The following LIMCH1 variants were observed in gnomAD, a reference collection of about 807,000 sequenced individuals.
LIMCH1 encodes the protein LIM and calponin homology domains-containing protein 1.
Under a neutral mutation model 176.5 loss-of-function variants are expected in LIMCH1, and 113 were observed. The observed-to-expected ratio is 0.64, with a 90% CI of 0.55 to 0.75. The LOEUF (loss-of-function observed/expected upper bound fraction) is 0.75, where lower values mean the gene tolerates loss of function less well. Ranked by LOEUF, LIMCH1 falls within the 30% of genes least tolerant of loss-of-function variation. LIMCH1 has a pLI of 0.00. For synonymous variants in LIMCH1, 619 were observed against 645.9 expected (o/e 0.96, Z 0.63); for missense variants, 1,674 against 1,814.9 (o/e 0.92, Z 1.41).
chr4:41,447,657 C>T (rs1021628993), intron 1 of LIMCH1, among the ~76,000 whole-genome samples: 2 of 152,164 alleles, frequency 1.3e-5, no homozygotes, highest in African/African-American at 4.8e-5. Flanking sequence ...CCTGAAAATG[C>T]GGGACCATGG....
At chr4:41,405,505 G>A (rs1033409193) in intron 1 of LIMCH1, among the ~76,000 whole-genome samples, 3 of 152,082 alleles carry the variant, frequency 2.0e-5, no homozygotes, top group Non-Finnish European at 4.4e-5. Context: ...GCTTGGTCTT[G>A]TGTATTTCCA....
At chr4:41,401,739 G>A (rs1045896082) in intron 1 of LIMCH1, among the ~76,000 whole-genome samples, 4 of 152,046 alleles carry the variant, frequency 2.6e-5, no homozygotes, top group Admixed American at 1.3e-4. Context: ...CCTTGAAGAG[G>A]TCCTTCACAT....
chr4:41,382,200 A>G (rs1250102413), intron 1 of LIMCH1, among the ~76,000 whole-genome samples: 1 of 152,214 alleles, frequency 6.6e-6, no homozygotes, highest in Non-Finnish European at 1.5e-5. Context: ...GATCAAAAAC[A>G]TGGAAACATG....
intron 2 of LIMCH1, among the ~76,000 whole-genome samples, chr4:41,496,585 G>A (rs934512959): frequency 1.3e-5 from 2 of 152,194 alleles, no homozygotes; most frequent in African/African-American, 4.8e-5. Flanking sequence ...CCCAGGAGCT[G>A]CATGCAATGG....
At chr4:41,460,026 C>T (rs1040907780) in intron 1 of LIMCH1, among the ~76,000 whole-genome samples, 2 of 151,980 alleles carry the variant, frequency 1.3e-5, no homozygotes, top group African/African-American at 2.4e-5. Context: ...ACCTGGAAGC[C>T]GACTGTCAAG....
chr4:41,587,567 C>A (rs4557299), intron 1 of LIMCH1, among the ~76,000 whole-genome samples: 53,027 of 151,972 alleles, frequency 0.35, 14,812 homozygotes, highest in African/African-American at 0.78. Flanking sequence ...AGTCCAGGGC[C>A]CCAGTACCTG....
chr4:41,494,308 T>C (rs758516186), intron 1 of LIMCH1, among the ~76,000 whole-genome samples: 1 of 149,220 alleles, frequency 6.7e-6, no homozygotes, highest in African/African-American at 2.4e-5. Context: ...TATATAATTA[T>C]ATATATACAC....
intron 4 of LIMCH1, among the ~76,000 whole-genome samples, chr4:41,610,589 T>G (rs968764011): frequency 6.6e-6 from 1 of 152,204 alleles, no homozygotes; most frequent in Non-Finnish European, 1.5e-5. Flanking sequence ...GTAACAGGCA[T>G]TTTTCTGAAT....
chr4:41,620,020 G>A (rs1008740544), intron 6 of LIMCH1: 1 of 201,250 alleles, frequency 5.0e-6, no homozygotes, highest in African/African-American at 2.3e-5. Context: ...CTATATGCTA[G>A]GCATTGGGGA....
chr4:41,496,445 G>A (rs557770989), intron 2 of LIMCH1, among the ~76,000 whole-genome samples: 1 of 152,318 alleles, frequency 6.6e-6, no homozygotes, highest in South Asian at 2.1e-4. Context: ...GAGGCCAGAG[G>A]CAAGGAAAGC....
chr4:41,551,614 A>G (rs35977653), intron 1 of LIMCH1, among the ~76,000 whole-genome samples: 4,557 of 152,322 alleles, frequency 0.03, 105 homozygotes, highest in Admixed American at 0.065. Flanking sequence ...CCTTTTGTTC[A>G]TGGCCTGTGG....
At chr4:41,479,119 T>C (rs1458406669) in intron 1 of LIMCH1, among the ~76,000 whole-genome samples, 2 of 152,232 alleles carry the variant, frequency 1.3e-5, no homozygotes, top group Non-Finnish European at 2.9e-5. Flanking sequence ...ATTTGCTTCC[T>C]ACACACACAT....
At chr4:41,399,962 G>A (rs954408194) in intron 1 of LIMCH1, among the ~76,000 whole-genome samples, 3 of 148,332 alleles carry the variant, frequency 2.0e-5, no homozygotes, top group Admixed American at 6.7e-5. Flanking sequence ...GATTACAGGC[G>A]TGAGCCACCG....
chr4:41,514,843 G>A (rs1416466723), intron 2 of LIMCH1, among the ~76,000 whole-genome samples: 1 of 152,128 alleles, frequency 6.6e-6, no homozygotes, highest in Non-Finnish European at 1.5e-5. Flanking sequence ...GCACATGTAC[G>A]TCTCAGAGGT....
chr4:41,391,206 A>G (rs2057197200), intron 1 of LIMCH1, among the ~76,000 whole-genome samples: 4 of 152,234 alleles, frequency 2.6e-5, no homozygotes, highest in Admixed American at 2.6e-4. Context: ...CCATATTGGA[A>G]AAATATTTTA....
rs1311876905 is a variant in LIMCH1, at chr4:41,629,616, CAGA to C, written c.1154_1156del (p.Gln385del). The C allele has an allele frequency of 1.3e-6, 2 of 1,535,946 alleles. No individual in the cohort carries two copies. The highest frequency in any genetic ancestry group is 2.7e-5 in the African/African-American group (2 of 73,004). On this transcript the variant is annotated inframe_deletion, in exon 9 of 32. Transcript: ENST00000503057. Reference sequence around the variant, plus strand: ...TCTTCACAAGGATGACCTGGCCCAGCAGAGAATTCAGGGCAGCCTTGCCCCTCA... The same window carrying C: ...TCTTCACAAGGATGACCTGGCCCAGCGAATTCAGGGCAGCCTTGCCCCTCA...
chr4:41,684,447 T>C lies in LIMCH1; in HGVS notation c.3896T>C (p.Val1299Ala). ...AHSGNPVSKG[V>A]HEDHQLDTEA... ...TCTGGGAACCCTGTATCAAAAGGAGTCCATGAAGACCATCAGCTGGATACC... is the reference window on the plus strand; with the variant it reads ...TCTGGGAACCCTGTATCAAAAGGAGCCCATGAAGACCATCAGCTGGATACC... The change falls in exon 27 of 32, where the codon GTC (valine) becomes GCC (alanine). Residue 1299 changes from valine to alanine, a missense_variant. Physicochemically the swap from Val to Ala is moderately conservative, Grantham distance 64. Coordinates refer to ENST00000503057, the MANE Select transcript of LIMCH1 (RefSeq NM_001330672.2). 2 of 1,613,482 alleles carry C rather than the reference T, an allele frequency of 1.2e-6. No homozygotes were observed. The highest frequency in any genetic ancestry group is 2.2e-5 in the South Asian group (2 of 91,030).
chr4:41,384,099 G>T (rs1043520795), intron 1 of LIMCH1, among the ~76,000 whole-genome samples: 3 of 152,184 alleles, frequency 2.0e-5, no homozygotes, highest in Admixed American at 2.0e-4. Context: ...ATCTAGGCTG[G>T]AGCATTTCAG....
chr4:41,541,326 C>T (rs2078618821), intron 1 of LIMCH1, among the ~76,000 whole-genome samples: 1 of 143,208 alleles, frequency 7.0e-6, no homozygotes. Context: ...CCTTTGGCAT[C>T]CTCTCTTTTC....
Sources: gnomAD v4.1 joint callset for allele counts (sites outside exome capture counted in the v4.1 genomes callset) on GRCh38, gnomAD v4.1.1 for gene constraint, MANE v1.5 for transcripts, NCBI Gene and HGNC (gene_info 2026-07-23, HGNC 2026-07-21) for gene names.